The following RASAL2 variants were observed in gnomAD, a reference collection of about 807,000 sequenced individuals.
RASAL2 encodes ras GTPase-activating protein nGAP.
Under a neutral mutation model 128.9 loss-of-function variants are expected in RASAL2, and 58 were observed. The observed-to-expected ratio is 0.45, with a 90% CI of 0.36 to 0.56. RASAL2 has a LOEUF of 0.56. Among genes scored for constraint, RASAL2 ranks in the 20% least tolerant of loss-of-function variants. The pLI, the probability that RASAL2 is intolerant of heterozygous loss-of-function variation, is 0.00. For synonymous variants in RASAL2, 561 were observed against 580.8 expected (o/e 0.97, Z 0.49); for missense variants, 1,360 against 1,601.6 (o/e 0.85, Z 2.57).
intron 1 of RASAL2, among the ~76,000 whole-genome samples, chr1:178,245,140 A>G (rs1398097942): frequency 6.6e-6 from 1 of 152,214 alleles, no homozygotes; most frequent in Non-Finnish European, 1.5e-5. Flanking sequence ...TAGATCCTTG[A>G]GGAATCGCCA....
chr1:178,374,968 G>C (rs1251706676), intron 3 of RASAL2, among the ~76,000 whole-genome samples: 1 of 152,110 alleles, frequency 6.6e-6, no homozygotes, highest in African/African-American at 2.4e-5. Context: ...TGGCTAGGGA[G>C]AAAACATGAA....
intron 1 of RASAL2, among the ~76,000 whole-genome samples, chr1:178,217,146 T>A (rs1463238220): frequency 6.6e-6 from 1 of 152,006 alleles, no homozygotes; most frequent in Non-Finnish European, 1.5e-5. Context: ...TGGCTAATTT[T>A]GTATTTTTAG....
intron 3 of RASAL2, among the ~76,000 whole-genome samples, chr1:178,376,294 A>G (rs1294464502): frequency 2.6e-5 from 4 of 152,172 alleles, no homozygotes; most frequent in African/African-American, 7.2e-5. Context: ...CAGATTTTAT[A>G]ATACTGAGAA....
intron 1 of RASAL2, among the ~76,000 whole-genome samples, chr1:178,197,057 T>C (rs1662680649): frequency 6.6e-6 from 1 of 152,210 alleles, no homozygotes; most frequent in Non-Finnish European, 1.5e-5. Context: ...CTGACACCTA[T>C]AATCCCAGCA....
In RASAL2 at chr1:178,143,549, G is replaced by A. The variant is rs140271877; in HGVS notation, c.202+48855G>A. 2.8e-3 allele frequency among the ~76,000 whole-genome samples: 423 copies of A among 152,038 alleles called. 1 individual carries two copies. Among genetic ancestry groups the A allele is most frequent in the African/African-American group, 9.3e-3 (386 of 41,480 alleles). On this transcript the variant is annotated intron_variant, in intron 1 of 17. Transcript: ENST00000367649. ...ATACTTTAGGGGACTAAAGCAAATTGCAGAATAATTGATAGAATATGTTAA... is the reference window on the plus strand; with the variant it reads ...ATACTTTAGGGGACTAAAGCAAATTACAGAATAATTGATAGAATATGTTAA...
At chr1:178,448,474 A>G (rs1344213944) in intron 9 of RASAL2, among the ~76,000 whole-genome samples, 1 of 152,198 alleles carries the variant, frequency 6.6e-6, no homozygotes, top group Non-Finnish European at 1.5e-5. Context: ...TCTGAAGCAG[A>G]TTTTTTGTCT....
intron 1 of RASAL2, among the ~76,000 whole-genome samples, chr1:178,266,088 A>G (rs1665933546): frequency 6.6e-6 from 1 of 152,194 alleles, no homozygotes; most frequent in Non-Finnish European, 1.5e-5. Flanking sequence ...TCTTTTGACT[A>G]AAACATGTCC....
At chr1:178,469,690 G>T (rs1307044935) in intron 17 of RASAL2, among the ~76,000 whole-genome samples, 2 of 152,148 alleles carry the variant, frequency 1.3e-5, no homozygotes, top group South Asian at 4.2e-4. Context: ...TGGTTCTCTG[G>T]ACTATTTTGG....
chr1:178,386,436 T>A (rs1015837314), intron 3 of RASAL2, among the ~76,000 whole-genome samples: 6 of 152,172 alleles, frequency 3.9e-5, no homozygotes, highest in African/African-American at 1.4e-4. Flanking sequence ...TTGGTAGAGC[T>A]GCTAAGAAAA....
chr1:178,179,060 G>A (rs547846917), intron 1 of RASAL2, among the ~76,000 whole-genome samples: 87 of 152,268 alleles, frequency 5.7e-4, no homozygotes, highest in African/African-American at 2.0e-3. Context: ...CAACATATTT[G>A]CAGGGTTGGT....
chr1:178,250,744 G>A (rs1253065521), intron 1 of RASAL2, among the ~76,000 whole-genome samples: 1 of 152,186 alleles, frequency 6.6e-6, no homozygotes, highest in Non-Finnish European at 1.5e-5. Context: ...TTACAACTAT[G>A]GGGACTGCAG....
At chr1:178,185,506 A>G (rs929971983) in intron 1 of RASAL2, among the ~76,000 whole-genome samples, 1 of 150,944 alleles carries the variant, frequency 6.6e-6, no homozygotes, top group African/African-American at 2.5e-5. Flanking sequence ...AGGTTTTTTA[A>G]ATTTTTTTTT....
chr1:178,197,708 A>C (rs540123669), intron 1 of RASAL2, among the ~76,000 whole-genome samples: 1 of 152,278 alleles, frequency 6.6e-6, no homozygotes, highest in East Asian at 1.9e-4. Context: ...TCTTTTTAAA[A>C]AATTATTATA....
chr1:178,204,192 T>C, intron 1 of RASAL2, among the ~76,000 whole-genome samples: 1 of 152,256 alleles, frequency 6.6e-6, no homozygotes, highest in East Asian at 1.9e-4. Flanking sequence ...GTTAACTTTA[T>C]GTAATAACAT....
chr1:178,324,020 C>T (rs1471675662), intron 3 of RASAL2, among the ~76,000 whole-genome samples: 1 of 152,150 alleles, frequency 6.6e-6, no homozygotes, highest in Non-Finnish European at 1.5e-5. Context: ...AAAATGGCAC[C>T]AGCTTTGAAG....
chr1:178,213,138 C>T (rs1663312222), intron 1 of RASAL2, among the ~76,000 whole-genome samples: 1 of 152,120 alleles, frequency 6.6e-6, no homozygotes, highest in African/African-American at 2.4e-5. Context: ...CTGGCTCAAG[C>T]AATACTGCCA....
chr1:178,399,196 C>T (rs1283199521), intron 4 of RASAL2, among the ~76,000 whole-genome samples: 3 of 152,226 alleles, frequency 2.0e-5, no homozygotes, highest in Non-Finnish European at 2.9e-5. Flanking sequence ...CACCCAGCCA[C>T]AGCTGTCACT....
chr1:178,098,605 T>A (rs1055483966), intron 1 of RASAL2, among the ~76,000 whole-genome samples: 6 of 152,154 alleles, frequency 3.9e-5, no homozygotes, highest in African/African-American at 1.4e-4. Context: ...TCTGCACTCA[T>A]CAGTATGACA....
intron 1 of RASAL2, among the ~76,000 whole-genome samples, chr1:178,208,875 T>A (rs1369203599): frequency 1.3e-5 from 2 of 152,174 alleles, no homozygotes; most frequent in Non-Finnish European, 1.5e-5. Context: ...CCTCTCTTTG[T>A]ACTCTTTCTC....
Sources: allele counts gnomAD v4.1 joint callset (sites outside exome capture counted in the v4.1 genomes callset), GRCh38; gene constraint gnomAD v4.1.1; transcripts MANE v1.5; gene names NCBI Gene and HGNC (gene_info 2026-07-23, HGNC 2026-07-21).